The following ATN1 variants were observed in gnomAD, a reference collection of about 807,000 sequenced individuals.
ATN1 encodes the protein atrophin-1.
ATN1 carries 19 observed loss-of-function variants against 85.8 expected under a neutral mutation model. The observed-to-expected ratio is 0.22, with a 90% CI of 0.15 to 0.32. ATN1 has a LOEUF of 0.32. Among genes scored for constraint, ATN1 ranks in the 10% least tolerant of loss-of-function variants. ATN1 has a pLI of 1.00. For synonymous variants in ATN1, 674 were observed against 657.0 expected, an observed-to-expected ratio of 1.03 and a Z score of -0.39; for missense variants, 1,453 against 1,564.5, an observed-to-expected ratio of 0.93 and a Z score of 1.20.
At chr12:6,932,201 T>C (rs782575417) in intron 1 of ATN1, among the ~76,000 whole-genome samples, 1 of 152,104 alleles carries the variant, frequency 6.6e-6, no homozygotes, top group Non-Finnish European at 1.5e-5. Flanking sequence ...TATGGTTCCG[T>C]GGAGGTGAGT....
chr12:6,927,685 C>G (rs1479681841), upstream of ATN1, among the ~76,000 whole-genome samples: 1 of 151,574 alleles, frequency 6.6e-6, no homozygotes, highest in Non-Finnish European at 1.5e-5. Flanking sequence ...GCCTCGCGCT[C>G]CCTCCCTCGC....
In ATN1 at chr12:6,937,378, G is replaced by A; in HGVS notation, c.2111G>A (p.Gly704Asp). The change falls in exon 5 of 10, where the codon GGC (glycine) becomes GAC (aspartate). Residue 704 changes from glycine (G) to aspartate (D), a missense_variant. Around this residue, in one of 6 missense-constraint regions of ATN1, gnomAD observed 990 missense variants for 914.8 expected, o/e 1.08. Coordinates refer to ENST00000396684, the MANE Select transcript of ATN1 (RefSeq NM_001940.4). This position sits in a 1 kb window ranked among gnomAD's most constrained non-coding sequence, Gnocchi z 6.0. ...PGPLPPAGPSGLPSLPPPPAA... is the reference protein window; with the variant it reads ...PGPLPPAGPSDLPSLPPPPAA... ...CCCCTGCCACCTGCGGGGCCCTCAG[G>A]CCTGCCATCGCTGCCACCACCACCT... The A allele has an allele frequency of 6.5e-7, 1 of 1,549,582 alleles. No individual in the cohort carries two copies. The highest frequency in any genetic ancestry group is 8.7e-7 in the Non-Finnish European group (1 of 1,148,304).
chr12:6,941,280 T>TACAAAGG lies in ATN1; in HGVS notation c.3359-94_3359-93insACAAAGG. On this transcript the variant is annotated intron_variant, in intron 8 of 9. Coordinates refer to ENST00000396684, the MANE Select transcript of ATN1 (RefSeq NM_001940.4). The surrounding 1 kb of genome is among the most constrained non-coding windows in gnomAD (Gnocchi z 5.9). ...GTGTGTTACCTCACTTTTTAGTTCA[T>TACAAAGG]TACCTTTGTATGTAAAGGAGCTGGC... The TACAAAGG allele has an allele frequency of 6.9e-7, 1 of 1,451,130 alleles. No homozygotes were observed. Among genetic ancestry groups the TACAAAGG allele is most frequent in the South Asian group, 1.4e-5 (1 of 73,576 alleles). 89.9% of individuals were successfully genotyped at this position (1,451,130 alleles called of 1,614,324 possible). A position where few individuals can be genotyped will look rare whatever the true frequency, so the allele number is the denominator to read the frequency against.
At position 6,937,008 on chromosome 12, in the gene ATN1, G is replaced by A. The variant is rs1555143859; in HGVS notation, c.1741G>A (p.Gly581Arg). The A allele has an allele frequency of 1.2e-6, 2 of 1,613,548 alleles. No homozygotes were observed. Among genetic ancestry groups the A allele is most frequent in the African/African-American group, 1.3e-5 (1 of 74,890 alleles). The change falls in exon 5 of 10, where the codon GGG becomes AGG. Residue 581 changes from glycine (G) to arginine (R), a missense_variant. Coordinates refer to ENST00000396684, the MANE Select transcript of ATN1 (RefSeq NM_001940.4). This position sits in a 1 kb window ranked among gnomAD's most constrained non-coding sequence, Gnocchi z 6.0. ...SSNSSSSTSQGSYPCSHPSPS... is the reference protein window; with the variant it reads ...SSNSSSSTSQRSYPCSHPSPS... ...CAACTCTTCCTCTTCCACTTCTCAA[G>A]GGTCCTACCCATGTTCACACCCCTC...
upstream of ATN1, among the ~76,000 whole-genome samples, chr12:6,924,911 C>T (rs1356819831): frequency 6.6e-6 from 1 of 152,164 alleles, no homozygotes; most frequent in East Asian, 1.9e-4. Flanking sequence ...CATCCCTCCT[C>T]ACCAGGTCGC....
chr12:6,941,706 C>G lies in ATN1; in HGVS notation c.3540-41C>G, dbSNP rs781998135. 14 of 1,610,492 alleles carry G rather than the reference C, an allele frequency of 8.7e-6. No individual in the cohort carries two copies. The highest frequency in any genetic ancestry group is 2.7e-5 in the African/African-American group (2 of 74,792). ...GAGGGGGCAAGGTCAGAGTTGGTCTCAAGTCTCTTACCTCTCTGCTATGCA... is the reference window on the plus strand; with the variant it reads ...GAGGGGGCAAGGTCAGAGTTGGTCTGAAGTCTCTTACCTCTCTGCTATGCA... On this transcript the variant is annotated intron_variant, in intron 9 of 9. Transcript: ENST00000396684. This position sits in a 1 kb window ranked among gnomAD's most constrained non-coding sequence, Gnocchi z 5.9.
chr12:6,938,431 C>T, intron 6 of ATN1, 50 bp from the exon 7 acceptor site: 1 of 1,548,706 alleles, frequency 6.5e-7, no homozygotes, highest in Non-Finnish European at 8.7e-7. Flanking sequence ...AAACCAGCCA[C>T]CTCTTTTCAT....
rs1017325093 is a variant in ATN1, at chr12:6,936,636, G to T, written c.1369G>T (p.Ala457Ser). The change falls in exon 5 of 10, where the codon GCC becomes TCC. Residue 457 changes from alanine to serine, a missense_variant. This residue lies in a region of ATN1 where 990 missense variants were observed against 914.8 expected (regional missense o/e 1.08). Coordinates refer to ENST00000396684, the MANE Select transcript of ATN1 (RefSeq NM_001940.4). ...PYGRLLANSN[A>S]HPGPFPPSTG... ...TGGCCGCCTCTTAGCCAACAGCAAT[G>T]CCCATCCAGGCCCCTTCCCTCCCTC... 7.4e-6 allele frequency: 12 copies of T among 1,612,926 alleles called. No homozygotes were observed. The African/African-American group carries it at 1.5e-4, about 20-fold the overall frequency.
At chr12:6,939,703 T>C (rs1432663048) in intron 7 of ATN1, among the ~76,000 whole-genome samples, 2 of 152,166 alleles carry the variant, frequency 1.3e-5, no homozygotes, top group African/African-American at 2.4e-5. Flanking sequence ...GGTTTCGCCA[T>C]GTTGGCCATG....
In ATN1 at chr12:6,934,802, G is replaced by A. The variant is rs916045831; in HGVS notation, c.279+224G>A. Among the ~76,000 whole-genome samples, 13 of 152,182 alleles carry A rather than the reference G, an allele frequency of 8.5e-5. No individual in the cohort carries two copies. The highest frequency in any genetic ancestry group is 1.6e-4 in the Non-Finnish European group (11 of 68,040). ...GCCAAAGGGGACCAGAAGAGTTGGGGGATTCTAGTCTCTGGGTGAGAAGTC... is the reference window on the plus strand; with the variant it reads ...GCCAAAGGGGACCAGAAGAGTTGGGAGATTCTAGTCTCTGGGTGAGAAGTC... On this transcript the variant is annotated intron_variant, in intron 4 of 9. Coordinates refer to ENST00000396684, the MANE Select transcript of ATN1 (RefSeq NM_001940.4). This position sits in a 1 kb window ranked among gnomAD's most constrained non-coding sequence, Gnocchi z 4.5.
Position 6,934,335 on chromosome 12 carries a change from C to G in ATN1, c.165+22C>G. Reference sequence around the variant, plus strand: ...CAAGGTATTCTGTCCTCAGGTCCTCCCACAGGATGCCCAAGGCACTGGGGC... The same window carrying G: ...CAAGGTATTCTGTCCTCAGGTCCTCGCACAGGATGCCCAAGGCACTGGGGC... On this transcript the variant is annotated intron_variant, in intron 3 of 9. Transcript: ENST00000396684. This position sits in a 1 kb window ranked among gnomAD's most constrained non-coding sequence, Gnocchi z 4.5. 1 of 1,570,308 alleles carries G rather than the reference C, an allele frequency of 6.4e-7. No individual in the cohort carries two copies. Among genetic ancestry groups the G allele is most frequent in the Non-Finnish European group, 8.6e-7 (1 of 1,162,196 alleles).
chr12:6,933,221 CT>C (rs782089414), intron 1 of ATN1, among the ~76,000 whole-genome samples: 169 of 144,170 alleles, frequency 1.2e-3, no homozygotes, highest in Non-Finnish European at 1.0e-3. Context: ...TTTCTTTTTT[CT>C]TTTTTTTTTT....
chr12:6,931,635 AC>A (rs1945466207), intron 1 of ATN1, among the ~76,000 whole-genome samples: 7 of 150,014 alleles, frequency 4.7e-5, no homozygotes, highest in African/African-American at 1.7e-4. Flanking sequence ...AATCGCTTGA[AC>A]CTGGGAGGCG....
chr12:6,931,955 A>G (rs1477973624), intron 1 of ATN1, among the ~76,000 whole-genome samples: 1 of 145,694 alleles, frequency 6.9e-6, no homozygotes, highest in African/African-American at 2.6e-5. Context: ...GAATCGCTTG[A>G]ACCTGGGAGG....
In ATN1 at chr12:6,937,765, C is replaced by T; in HGVS notation, c.2295-80C>T. On this transcript the variant is annotated intron_variant, in intron 5 of 9. Transcript: ENST00000396684. This position sits in a 1 kb window ranked among gnomAD's most constrained non-coding sequence, Gnocchi z 6.0. Reference sequence around the variant, plus strand: ...GTGGTTTTGAGGCGGGGGCTACAAGCACTCGCCGGGGCCGCGGCGCTGCGG... The same window carrying T: ...GTGGTTTTGAGGCGGGGGCTACAAGTACTCGCCGGGGCCGCGGCGCTGCGG... 1.4e-6 allele frequency: 2 copies of T among 1,466,784 alleles called. No homozygotes were observed. The highest frequency in any genetic ancestry group is 1.4e-5 in the African/African-American group (1 of 70,220). The allele number at this position is 1,466,784 out of a possible 1,614,324, so 90.9% of individuals were successfully genotyped here. A position where few individuals can be genotyped will look rare whatever the true frequency, so the allele number is the denominator to read the frequency against.
At chr12:6,932,263 C>T (rs1945476324) in intron 1 of ATN1, among the ~76,000 whole-genome samples, 1 of 152,006 alleles carries the variant, frequency 6.6e-6, no homozygotes, top group South Asian at 2.1e-4. Context: ...ATGGACATGC[C>T]GTTTACCTAG....
Position 6,935,444 on chromosome 12 carries a change from A to G in ATN1, c.280-103A>G. 1.5e-6 allele frequency: 2 copies of G among 1,319,728 alleles called. No homozygotes were observed. Among genetic ancestry groups the G allele is most frequent in the Non-Finnish European group, 2.1e-6 (2 of 966,310 alleles). The allele number at this position is 1,319,728 out of a possible 1,614,324, so 81.8% of individuals were successfully genotyped here. A position where few individuals can be genotyped will look rare whatever the true frequency, so the allele number is the denominator to read the frequency against. The stretch of plus-strand genomic sequence containing the variant: ...GCAAGAGTACTCACCACATCACAGT[A>G]CAACAGTGTGCTGTGAGGGGAAATG... On this transcript the variant is annotated intron_variant, in intron 4 of 9. Transcript: ENST00000396684. This position sits in a 1 kb window ranked among gnomAD's most constrained non-coding sequence, Gnocchi z 5.3.
In ATN1 at chr12:6,942,248, T is replaced by G. The variant is rs1176007315; in HGVS notation, c.*468T>G. ...CACTAATAATTTATATATATAAATA[T>G]CTATATGACGCTCTTAAAAAAACAT... is the stretch of plus-strand genomic sequence containing the variant. On this transcript the variant is annotated 3_prime_UTR_variant, in exon 10 of 10. Transcript: ENST00000396684. 2 of 156,396 alleles carry G rather than the reference T, an allele frequency of 1.3e-5. No homozygotes were observed. Among genetic ancestry groups the G allele is most frequent in the East Asian group, 1.9e-4 (1 of 5,280 alleles). 9.7% of individuals were successfully genotyped at this position (156,396 alleles called of 1,614,324 possible).
chr12:6,933,927 A>G lies in ATN1; in HGVS notation c.-75A>G, dbSNP rs1555143263. 3 of 1,537,710 alleles carry G rather than the reference A, an allele frequency of 2.0e-6. No individual in the cohort carries two copies. In the African/African-American group the frequency reaches 4.1e-5, roughly 21 times the overall value. On this transcript the variant is annotated 5_prime_UTR_variant, in exon 2 of 10. Transcript: ENST00000396684. ...GCTTCCCAGACCACAGCTGTGGGGAACTTGGGGTGGAGCAGAGAAGTTTCT... is the reference window on the plus strand; with the variant it reads ...GCTTCCCAGACCACAGCTGTGGGGAGCTTGGGGTGGAGCAGAGAAGTTTCT...
Sources: gnomAD v4.1 joint callset for allele counts (sites outside exome capture counted in the v4.1 genomes callset) on GRCh38, gnomAD v4.1.1 for gene constraint, gnomAD v4.1.1 regional missense constraint, Gnocchi (gnomAD v3.1) non-coding constraint, MANE v1.5 for transcripts, NCBI Gene and HGNC (gene_info 2026-07-23, HGNC 2026-07-21) for gene names.